Variants in FCHSD2 observed in about 807,000 individuals in gnomAD.
FCHSD2 encodes FCH and double SH3 domains 2.
FCHSD2 carries 38 observed loss-of-function variants against 108.1 expected under a neutral mutation model. That is an observed-to-expected ratio of 0.35 (90% CI 0.27 to 0.46). The LOEUF (loss-of-function observed/expected upper bound fraction) is 0.46. Ranked by LOEUF, FCHSD2 falls within the 20% of genes least tolerant of loss-of-function variation. The pLI is 1.00. For synonymous variants in FCHSD2, 279 were observed against 314.7 expected, an observed-to-expected ratio of 0.89 and a Z score of 1.20; for missense variants, 751 against 897.8, an observed-to-expected ratio of 0.84 and a Z score of 2.09.
intron 8 of FCHSD2, among the ~76,000 whole-genome samples, chr11:72,944,629 A>G (rs968284622): frequency 3.3e-5 from 5 of 152,214 alleles, no homozygotes; most frequent in Non-Finnish European, 5.9e-5. Flanking sequence ...TGTAGATGAC[A>G]TGATTGTATA....
At chr11:73,023,597 G>A (rs1409528863) in intron 3 of FCHSD2, among the ~76,000 whole-genome samples, 1 of 152,148 alleles carries the variant, frequency 6.6e-6, no homozygotes, top group Non-Finnish European at 1.5e-5. Context: ...ATGCAAAATA[G>A]TATGGCCACT....
At chr11:73,135,210 T>C (rs1313000949) in intron 2 of FCHSD2, among the ~76,000 whole-genome samples, 1 of 152,206 alleles carries the variant, frequency 6.6e-6, no homozygotes, top group Non-Finnish European at 1.5e-5. Context: ...ACTGGACTCA[T>C]GATGAGTTCC....
chr11:73,097,851 T>C (rs957144951), intron 2 of FCHSD2, among the ~76,000 whole-genome samples: 1 of 152,158 alleles, frequency 6.6e-6, no homozygotes, highest in Non-Finnish European at 1.5e-5. Flanking sequence ...TCTGTCTATC[T>C]ATTTTAGAGA....
intron 3 of FCHSD2, among the ~76,000 whole-genome samples, chr11:73,042,669 T>C (rs1858670075): frequency 1.3e-5 from 2 of 152,186 alleles, no homozygotes; most frequent in Admixed American, 1.3e-4. Context: ...GTTAACAATG[T>C]TCATTCTTCC....
chr11:72,988,416 T>C (rs543225958), intron 6 of FCHSD2, among the ~76,000 whole-genome samples: 9 of 152,246 alleles, frequency 5.9e-5, no homozygotes, highest in African/African-American at 2.2e-4. Flanking sequence ...TTCACATATA[T>C]TGAATTCATA....
chr11:73,129,252 T>C (rs932423756), intron 2 of FCHSD2, among the ~76,000 whole-genome samples: 1 of 152,162 alleles, frequency 6.6e-6, no homozygotes, highest in Non-Finnish European at 1.5e-5. Context: ...CTAGAATTGA[T>C]ACCCAGGTTG....
intron 2 of FCHSD2, among the ~76,000 whole-genome samples, chr11:73,096,107 C>T (rs966589564): frequency 3.3e-5 from 5 of 151,776 alleles, no homozygotes; most frequent in Admixed American, 2.0e-4. Flanking sequence ...TCTAAACAGA[C>T]GTAAAATTTT....
chr11:72,931,061 T>C (rs1186561892), intron 8 of FCHSD2, among the ~76,000 whole-genome samples: 1 of 150,636 alleles, frequency 6.6e-6, no homozygotes, highest in Non-Finnish European at 1.5e-5. Context: ...AATATATATA[T>C]ATATATATAC....
intron 13 of FCHSD2, among the ~76,000 whole-genome samples, chr11:72,864,427 C>T (rs190601612): frequency 6.8e-4 from 104 of 152,136 alleles, no homozygotes; most frequent in African/African-American, 2.5e-3. Flanking sequence ...AGCCTGTAGT[C>T]CCAGCTACTC....
At chr11:73,105,364 C>T (rs1320012716) in intron 2 of FCHSD2, among the ~76,000 whole-genome samples, 2 of 152,218 alleles carry the variant, frequency 1.3e-5, no homozygotes, top group Non-Finnish European at 2.9e-5. Flanking sequence ...ACCTTCCCTT[C>T]CACTGTCTAC....
chr11:72,884,926 T>C (rs1855165772), intron 12 of FCHSD2, among the ~76,000 whole-genome samples: 1 of 152,202 alleles, frequency 6.6e-6, no homozygotes, highest in Non-Finnish European at 1.5e-5. Context: ...AGGGTCACTC[T>C]TGTCATTAAC....
intron 8 of FCHSD2, among the ~76,000 whole-genome samples, chr11:72,969,075 T>A (rs1372752628): frequency 3.9e-5 from 6 of 152,192 alleles, no homozygotes; most frequent in South Asian, 4.1e-4. Context: ...TAAAATAGTA[T>A]ACCTGGGGTA....
At chr11:72,884,501 T>C (rs560208078) in intron 12 of FCHSD2, among the ~76,000 whole-genome samples, 1 of 148,978 alleles carries the variant, frequency 6.7e-6, no homozygotes, top group Admixed American at 6.7e-5. Flanking sequence ...GTGTATGTTA[T>C]ATATATCATA....
chr11:72,882,619 T>C (rs1051784964), intron 12 of FCHSD2, among the ~76,000 whole-genome samples: 2 of 152,226 alleles, frequency 1.3e-5, no homozygotes, highest in Non-Finnish European at 2.9e-5. Flanking sequence ...TTATACACTG[T>C]ATGCATGTAT....
At chr11:72,954,484 G>A (rs973193795) in intron 8 of FCHSD2, among the ~76,000 whole-genome samples, 1 of 152,154 alleles carries the variant, frequency 6.6e-6, no homozygotes, top group South Asian at 2.1e-4. Context: ...GGGATTACAG[G>A]TGTGAGCCAC....
chr11:72,910,137 T>C (rs1240577597), intron 9 of FCHSD2, among the ~76,000 whole-genome samples: 1 of 146,210 alleles, frequency 6.8e-6, no homozygotes, highest in African/African-American at 2.6e-5. Context: ...GGAGCACCTC[T>C]GCCCGGCTGC....
At chr11:72,994,117 C>G (rs896646600) in intron 5 of FCHSD2, among the ~76,000 whole-genome samples, 1 of 152,102 alleles carries the variant, frequency 6.6e-6, no homozygotes. Flanking sequence ...GAGGACCAAA[C>G]AGAATAACTG....
rs1565281208 is a variant in FCHSD2 at position 72,841,392 on chromosome 11, GGCGAATAT to G, written c.2056+54_2056+61del. The stretch of plus-strand genomic sequence containing the variant: ...AAATGCAGTTTTTTTTTGCCCTTCA[GGCGAATAT>G]GTAGGTTTCTGAAGTGAAAATGCAT... On this transcript the variant is annotated intron_variant, in intron 18 of 19. Coordinates refer to ENST00000409418, the MANE Select transcript of FCHSD2 (RefSeq NM_014824.3). 3 of 1,489,128 alleles carry G rather than the reference GGCGAATAT, an allele frequency of 2.0e-6. No homozygotes were observed. In the African/African-American group the frequency reaches 4.3e-5, roughly 21 times the overall value. The allele number at this position is 1,489,128 out of a possible 1,614,324, so 92.2% of individuals were successfully genotyped here.
At position 73,049,955 on chromosome 11, in the gene FCHSD2, T is replaced by C. The variant is rs115091392; in HGVS notation, c.165+33740A>G. Among the ~76,000 whole-genome samples the C allele has an allele frequency of 3.6e-3, 551 of 152,244 alleles. 1 individual carries two copies. Among genetic ancestry groups the C allele is most frequent in the African/African-American group, 0.013 (521 of 41,550 alleles). On this transcript the variant is annotated intron_variant, in intron 3 of 19. Coordinates refer to ENST00000409418, the MANE Select transcript of FCHSD2 (RefSeq NM_014824.3). ...TTAAAAAAGTTTTGCTCAAGATAAA[T>C]AGAAACTAACTATAAGCTGAATGCT...
Sources: allele counts gnomAD v4.1 joint callset (sites outside exome capture counted in the v4.1 genomes callset), GRCh38; gene constraint gnomAD v4.1.1; transcripts MANE v1.5; gene names NCBI Gene and HGNC (gene_info 2026-07-23, HGNC 2026-07-21).